The following PTPRD variants were observed in gnomAD, a reference collection of about 807,000 sequenced individuals.
PTPRD encodes protein tyrosine phosphatase receptor type D.
A neutral mutation model predicts 214.5 loss-of-function variants in PTPRD; 34 were observed. That is an observed-to-expected ratio of 0.16 (90% CI 0.12 to 0.21). The LOEUF is 0.21. Ranked by LOEUF, PTPRD falls within the 10% of genes least tolerant of loss-of-function variation. PTPRD has a pLI of 1.00. For missense variants in PTPRD, 2,545 were observed against 2,398.7 expected (o/e 1.06, Z -1.27); for synonymous variants, 1,128 against 845.7 (o/e 1.33, Z -5.79).
At chr9:9,500,307 G>T (rs151142082) in intron 8 of PTPRD, among the ~76,000 whole-genome samples, 2 of 152,044 alleles carry the variant, frequency 1.3e-5, no homozygotes, top group Non-Finnish European at 2.9e-5. Context: ...CATATGAAGC[G>T]AGTATTTCAG....
chr9:9,177,389 C>T (rs1311920881), intron 10 of PTPRD, among the ~76,000 whole-genome samples: 3 of 152,008 alleles, frequency 2.0e-5, no homozygotes, highest in Non-Finnish European at 2.9e-5. Flanking sequence ...TAAAACCTAA[C>T]CATATCACGA....
At chr9:8,935,018 TACA>T (rs2098987142) in intron 11 of PTPRD, among the ~76,000 whole-genome samples, 1 of 152,170 alleles carries the variant, frequency 6.6e-6, no homozygotes, top group African/African-American at 2.4e-5. Context: ...TACTTATATA[TACA>T]CACACAGAGA....
intron 7 of PTPRD, among the ~76,000 whole-genome samples, chr9:9,724,825 G>A (rs1212314352): frequency 1.3e-5 from 2 of 152,132 alleles, no homozygotes; most frequent in African/African-American, 4.8e-5. Context: ...CCAAGTTCAT[G>A]CAGGTAACAA....
At chr9:10,427,525 C>A (rs146688638) in intron 2 of PTPRD, among the ~76,000 whole-genome samples, 314 of 152,114 alleles carry the variant, frequency 2.1e-3, no homozygotes, top group African/African-American at 7.2e-3. Context: ...CAGCTGACAG[C>A]AATTCTACCC....
chr9:9,452,111 T>C (rs140364054), intron 8 of PTPRD, among the ~76,000 whole-genome samples: 102 of 151,480 alleles, frequency 6.7e-4, no homozygotes, highest in African/African-American at 2.2e-3. Flanking sequence ...TACCTAGCAG[T>C]TTATAATAAA....
At position 9,947,373 on chromosome 9, in the gene PTPRD, ATTAT is replaced by A. The variant is rs1381593773; in HGVS notation, c.-471-8767_-471-8764del. On this transcript the variant is annotated intron_variant, in intron 4 of 45. Transcript: ENST00000381196. ...TATATATTATATATATTATATATAT[ATTAT>A]ATATATTTTATATACATATTATATA... is the stretch of plus-strand genomic sequence containing the variant. Among the ~76,000 whole-genome samples the A allele has an allele frequency of 8.9e-4, 51 of 57,578 alleles. 1 individual carries two copies. Among genetic ancestry groups the A allele is most frequent in the Non-Finnish European group, 1.1e-3 (39 of 34,832 alleles). The allele number at this position is 57,578 out of a possible 152,430, so 37.8% of individuals were successfully genotyped here.
intron 29 of PTPRD, 62 bp downstream of exon 29, chr9:8,485,165 C>A: frequency 7.1e-7 from 1 of 1,407,342 alleles, no homozygotes. Context: ...AAATAACTTA[C>A]CCAGATAAAC....
intron 11 of PTPRD, among the ~76,000 whole-genome samples, chr9:8,833,915 T>C (rs573615422): frequency 5.3e-4 from 66 of 125,448 alleles, no homozygotes; most frequent in African/African-American, 1.6e-3. Flanking sequence ...TGGATAAATG[T>C]ATTAAAAACA....
At chr9:9,134,583 C>G (rs1013472526) in intron 10 of PTPRD, among the ~76,000 whole-genome samples, 2 of 152,264 alleles carry the variant, frequency 1.3e-5, no homozygotes, top group South Asian at 4.1e-4. Flanking sequence ...CAGTGATTTT[C>G]CAAATTATCG....
intron 3 of PTPRD, among the ~76,000 whole-genome samples, chr9:10,126,209 G>C (rs1336739031): frequency 1.3e-5 from 2 of 151,996 alleles, no homozygotes; most frequent in East Asian, 3.9e-4. Flanking sequence ...TAGTGAGCTC[G>C]ATTTTCCTGA....
intron 5 of PTPRD, among the ~76,000 whole-genome samples, chr9:9,812,408 G>T (rs138497784): frequency 6.6e-6 from 1 of 152,002 alleles, no homozygotes; most frequent in Non-Finnish European, 1.5e-5. Context: ...AAAAAAAGTT[G>T]CAGCAATATG....
chr9:8,876,047 T>G (rs2098386127), intron 11 of PTPRD, among the ~76,000 whole-genome samples: 1 of 152,208 alleles, frequency 6.6e-6, no homozygotes, highest in African/African-American at 2.4e-5. Flanking sequence ...TTCTCTTACT[T>G]AGACCTTATC....
chr9:9,414,322 A>C (rs541552542), intron 8 of PTPRD, among the ~76,000 whole-genome samples: 1 of 152,338 alleles, frequency 6.6e-6, no homozygotes, highest in South Asian at 2.1e-4. Context: ...TTCCTTCATA[A>C]AAGTTGATTC....
rs535202712 is a variant in PTPRD at position 8,498,467 on chromosome 9, G to A, written c.2322+1180C>T. On this transcript the variant is annotated intron_variant, in intron 25 of 45. Coordinates refer to ENST00000381196, the MANE Select transcript of PTPRD (RefSeq NM_002839.4). Reference sequence around the variant, plus strand: ...TAATTTTTGTATTTTTAGTAGAGATGGGGTTTCACCATGTTGAGCAGGATG... The same window carrying A: ...TAATTTTTGTATTTTTAGTAGAGATAGGGTTTCACCATGTTGAGCAGGATG... 2.6e-5 allele frequency among the ~76,000 whole-genome samples: 4 copies of A among 152,116 alleles called. No homozygotes were observed. In the Middle Eastern group the frequency reaches 0.01, roughly 388 times the overall value.
chr9:10,524,885 G>A (rs2053736289), intron 2 of PTPRD, among the ~76,000 whole-genome samples: 1 of 151,156 alleles, frequency 6.6e-6, no homozygotes, highest in African/African-American at 2.4e-5. Flanking sequence ...AATTTAAAAA[G>A]ATAGGGGTAA....
At chr9:10,604,454 C>G (rs1202975054) in intron 2 of PTPRD, among the ~76,000 whole-genome samples, 1 of 151,444 alleles carries the variant, frequency 6.6e-6, no homozygotes, top group African/African-American at 2.4e-5. Flanking sequence ...AGACTTCAAG[C>G]CCCTAAAAAA....
intron 8 of PTPRD, among the ~76,000 whole-genome samples, chr9:9,492,909 T>C (rs1286622359): frequency 1.3e-5 from 2 of 148,926 alleles, no homozygotes; most frequent in East Asian, 2.0e-4. Flanking sequence ...TTGATATTAC[T>C]ATTGTAATTG....
chr9:9,209,225 G>C (rs2099946987), intron 9 of PTPRD, among the ~76,000 whole-genome samples: 1 of 152,138 alleles, frequency 6.6e-6, no homozygotes, highest in Non-Finnish European at 1.5e-5. Context: ...AAACGGAGAA[G>C]ATAGAAATAT....
At chr9:9,264,177 G>A (rs149998830) in intron 9 of PTPRD, among the ~76,000 whole-genome samples, 2 of 151,508 alleles carry the variant, frequency 1.3e-5, no homozygotes, top group African/African-American at 2.4e-5. Context: ...CACCCCCAAA[G>A]GTACACAATA....
Sources: gnomAD v4.1 joint callset for allele counts (sites outside exome capture counted in the v4.1 genomes callset) on GRCh38, gnomAD v4.1.1 for gene constraint, MANE v1.5 for transcripts, NCBI Gene and HGNC (gene_info 2026-07-23, HGNC 2026-07-21) for gene names.